The following CNTNAP4 variants were observed in gnomAD, a reference collection of about 807,000 sequenced individuals.
The protein encoded by CNTNAP4 is contactin associated protein family member 4.
In CNTNAP4, 98 loss-of-function variants were observed where a neutral mutation model predicts 148.4. The ratio of observed to expected loss-of-function variants is 0.66; its 90% CI spans 0.56 to 0.78. CNTNAP4 has a LOEUF of 0.78. Ranked by LOEUF, CNTNAP4 falls within the 30% of genes least tolerant of loss-of-function variation. The probability of loss-of-function intolerance (pLI) is 0.00; values close to 1 mark genes in which losing one functional copy is unlikely to be tolerated. For synonymous variants in CNTNAP4, 730 were observed against 565.1 expected, an observed-to-expected ratio of 1.29 and a Z score of -4.14; for missense variants, 1,935 against 1,565.6, an observed-to-expected ratio of 1.24 and a Z score of -3.98.
intron 21 of CNTNAP4, among the ~76,000 whole-genome samples, chr16:76,543,626 T>A (rs1173215014): frequency 1.3e-5 from 2 of 152,206 alleles, no homozygotes; most frequent in South Asian, 2.1e-4. Flanking sequence ...CAGACCAATG[T>A]GCAGTCTAAG....
intron 2 of CNTNAP4, among the ~76,000 whole-genome samples, chr16:76,348,433 C>T (rs990020735): frequency 2.0e-5 from 3 of 151,858 alleles, no homozygotes; most frequent in Non-Finnish European, 4.4e-5. Flanking sequence ...GAGAGATCAA[C>T]GGGGAGTGAA....
intron 2 of CNTNAP4, among the ~76,000 whole-genome samples, chr16:76,343,522 G>C (rs887377088): frequency 7.2e-5 from 11 of 152,082 alleles, no homozygotes; most frequent in African/African-American, 2.7e-4. Context: ...AGAATAACTA[G>C]TAGCATGTAA....
At chr16:76,283,459 C>A (rs56369096) in intron 1 of CNTNAP4, among the ~76,000 whole-genome samples, 1 of 151,884 alleles carries the variant, frequency 6.6e-6, no homozygotes, top group African/African-American at 2.4e-5. Context: ...ACATATACAC[C>A]GTGGAATACT....
intron 10 of CNTNAP4, among the ~76,000 whole-genome samples, chr16:76,470,992 A>G (rs974470511): frequency 6.6e-6 from 1 of 152,054 alleles, no homozygotes; most frequent in Non-Finnish European, 1.5e-5. Context: ...ATCCTTACTC[A>G]TGCACACTCA....
chr16:76,514,119 C>T (rs1328756494), intron 15 of CNTNAP4, among the ~76,000 whole-genome samples: 1 of 152,168 alleles, frequency 6.6e-6, no homozygotes, highest in African/African-American at 2.4e-5. Context: ...GAATAGGTTA[C>T]TTCAAATAGA....
At chr16:76,335,322 C>T (rs748730983) in intron 2 of CNTNAP4, among the ~76,000 whole-genome samples, 4 of 152,110 alleles carry the variant, frequency 2.6e-5, no homozygotes, top group East Asian at 1.9e-4. Context: ...TCTGCAAACC[C>T]TTCATCTCCC....
At chr16:76,385,846 CAT>C (rs2016466130) in intron 3 of CNTNAP4, among the ~76,000 whole-genome samples, 1 of 152,126 alleles carries the variant, frequency 6.6e-6, no homozygotes, top group Admixed American at 6.5e-5. Context: ...TTCCCTAACA[CAT>C]ATTTTCTCCG....
intron 4 of CNTNAP4, among the ~76,000 whole-genome samples, chr16:76,441,739 C>T (rs2080050602): frequency 6.6e-6 from 1 of 152,072 alleles, no homozygotes; most frequent in Non-Finnish European, 1.5e-5. Context: ...ACAAATACAC[C>T]AAATGTACTT....
intron 15 of CNTNAP4, among the ~76,000 whole-genome samples, chr16:76,516,669 G>C (rs149019997): frequency 6.6e-5 from 10 of 152,362 alleles, no homozygotes; most frequent in Non-Finnish European, 2.9e-5. Flanking sequence ...TCTGCAGGTA[G>C]ATGGTTAAAT....
intron 10 of CNTNAP4, among the ~76,000 whole-genome samples, chr16:76,472,426 A>G (rs2081409450): frequency 1.3e-5 from 2 of 152,012 alleles, no homozygotes; most frequent in Non-Finnish European, 1.5e-5. Flanking sequence ...ACCATTTAAG[A>G]GTCATTCTTT....
At chr16:76,534,887 A>G (rs553170719) in intron 17 of CNTNAP4, among the ~76,000 whole-genome samples, 1 of 152,358 alleles carries the variant, frequency 6.6e-6, no homozygotes, top group Admixed American at 6.5e-5. Context: ...TATGTATTCA[A>G]TAAACGTTAC....
intron 17 of CNTNAP4, among the ~76,000 whole-genome samples, chr16:76,526,662 G>A (rs530271524): frequency 2.1e-4 from 32 of 151,896 alleles, no homozygotes; most frequent in Admixed American, 1.2e-3. Context: ...CACATTATTT[G>A]CCAGTTTTTG....
intron 1 of CNTNAP4, among the ~76,000 whole-genome samples, chr16:76,284,052 A>G (rs1366918574): frequency 2.0e-5 from 3 of 151,952 alleles, no homozygotes; most frequent in Admixed American, 2.0e-4. Flanking sequence ...TTCAATTATT[A>G]TTTATAGCTT....
intron 3 of CNTNAP4, among the ~76,000 whole-genome samples, chr16:76,376,907 T>TTGTGTGTGTGTGTGTGTGTG (rs5817987): frequency 1.4e-5 from 2 of 143,546 alleles, no homozygotes; most frequent in African/African-American, 5.1e-5. Context: ...CTAACAAGGT[T>TTGTGTGTGTGTGTGTGTGTG]TGTGTGTGTG....
At chr16:76,468,390 C>T (rs759927588) in intron 10 of CNTNAP4, among the ~76,000 whole-genome samples, 4 of 152,098 alleles carry the variant, frequency 2.6e-5, no homozygotes, top group Non-Finnish European at 5.9e-5. Context: ...AGGAGAATCA[C>T]TTGAATCAGG....
chr16:76,390,141 A>T (rs1362052600), intron 3 of CNTNAP4, among the ~76,000 whole-genome samples: 2 of 152,104 alleles, frequency 1.3e-5, no homozygotes, highest in African/African-American at 4.8e-5. Flanking sequence ...CTGGATGAGG[A>T]CTTAGCCTTC....
intron 11 of CNTNAP4, among the ~76,000 whole-genome samples, chr16:76,477,249 T>C (rs2081618326): frequency 6.6e-6 from 1 of 152,130 alleles, no homozygotes. Flanking sequence ...TTGCATGTGT[T>C]GTAAGGCCCA....
chr16:76,436,642 A>G (rs1036178956), intron 4 of CNTNAP4, among the ~76,000 whole-genome samples: 3 of 152,102 alleles, frequency 2.0e-5, no homozygotes, highest in African/African-American at 7.2e-5. Context: ...CAGCTTCATT[A>G]TGTTCCTTGG....
chr16:76,535,800 A>T lies in CNTNAP4; in HGVS notation c.2995+16A>T. On this transcript the variant is annotated intron_variant, in intron 18 of 23. Coordinates refer to ENST00000611870, the MANE Select transcript of CNTNAP4 (RefSeq NM_033401.5). ...TGCTCAAATGGTAAGTGTGGCATGG[A>T]AGACTGTAAGAGGAAAATTTATTCA... The T allele has an allele frequency of 6.2e-7, 1 of 1,602,702 alleles. No homozygotes were observed. Among genetic ancestry groups the T allele is most frequent in the Non-Finnish European group, 8.5e-7 (1 of 1,171,962 alleles).
Sources: allele counts gnomAD v4.1 joint callset (sites outside exome capture counted in the v4.1 genomes callset), GRCh38; gene constraint gnomAD v4.1.1; transcripts MANE v1.5; gene names NCBI Gene and HGNC (gene_info 2026-07-23, HGNC 2026-07-21).